Variants in DPH6 observed in about 807,000 individuals in gnomAD.
DPH6 encodes diphthine--ammonia ligase.
Under a neutral mutation model 38.2 loss-of-function variants are expected in DPH6, and 33 were observed. The observed-to-expected ratio is 0.86, with a 90% CI of 0.65 to 1.15. The LOEUF (loss-of-function observed/expected upper bound fraction) is 1.15, where lower values mean the gene tolerates loss of function less well. Ranked by LOEUF, DPH6 falls within the 50% of genes most tolerant of loss-of-function variation. The pLI is 0.00. For missense variants in DPH6, 325 were observed against 320.0 expected (o/e 1.02, Z -0.12); for synonymous variants, 108 against 103.0 (o/e 1.05, Z -0.30).
chr15:35,280,288 T>C (rs2051889352), intron 3 of DPH6, among the ~76,000 whole-genome samples: 1 of 152,232 alleles, frequency 6.6e-6, no homozygotes, highest in African/African-American at 2.4e-5. Flanking sequence ...ATCACAATAA[T>C]ACATTTCCTA....
chr15:35,383,580 A>C (rs1169315316), intron 6 of DPH6, among the ~76,000 whole-genome samples: 1 of 152,248 alleles, frequency 6.6e-6, no homozygotes, highest in Admixed American at 6.5e-5. Flanking sequence ...GCCTCTATAA[A>C]TGAATAGGCA....
intron 3 of DPH6, among the ~76,000 whole-genome samples, chr15:35,460,992 A>G (rs1488599158): frequency 8.0e-6 from 1 of 125,578 alleles, no homozygotes; most frequent in Non-Finnish European, 1.9e-5. Flanking sequence ...ATTTATTCAG[A>G]AAGAGCCAAT....
the DPH6 span, among the ~76,000 whole-genome samples, chr15:35,163,761 A>T: frequency 1.3e-5 from 2 of 151,872 alleles, no homozygotes; most frequent in Non-Finnish European, 2.9e-5. Flanking sequence ...ACATGCTAGG[A>T]CAAATGCTCA....
At chr15:35,203,380 A>G in the DPH6 span, among the ~76,000 whole-genome samples, 1 of 151,674 alleles carries the variant, frequency 6.6e-6, no homozygotes, top group African/African-American at 2.4e-5. Flanking sequence ...ATTTAAAAAA[A>G]AGAAATTTAT....
At chr15:35,491,173 A>G (rs1478895193) in intron 3 of DPH6, among the ~76,000 whole-genome samples, 1 of 151,990 alleles carries the variant, frequency 6.6e-6, no homozygotes, top group Non-Finnish European at 1.5e-5. Flanking sequence ...AAAGAGAAAT[A>G]CACACACACA....
the DPH6 span, among the ~76,000 whole-genome samples, chr15:35,203,414 C>G: frequency 1.3e-5 from 2 of 151,632 alleles, no homozygotes; most frequent in East Asian, 3.9e-4. Context: ...CAGGGTGCCA[C>G]TATTCCCCAT....
the DPH6 span, among the ~76,000 whole-genome samples, chr15:35,166,545 G>A: frequency 5.3e-5 from 8 of 151,850 alleles, no homozygotes; most frequent in Non-Finnish European, 1.0e-4. Flanking sequence ...ACAATACTAA[G>A]AGTTAAGAAT....
At chr15:35,177,080 T>G in the DPH6 span, among the ~76,000 whole-genome samples, 1 of 152,174 alleles carries the variant, frequency 6.6e-6, no homozygotes, top group African/African-American at 2.4e-5. Flanking sequence ...AATAAATAAC[T>G]GTCATTCAGC....
chr15:35,147,162 C>G, the DPH6 span, among the ~76,000 whole-genome samples: 1 of 152,040 alleles, frequency 6.6e-6, no homozygotes, highest in African/African-American at 2.4e-5. Flanking sequence ...CTCTAACAAT[C>G]CTATGAATAG....
intron 3 of DPH6, among the ~76,000 whole-genome samples, chr15:35,267,259 C>G (rs2051789308): frequency 6.6e-6 from 1 of 152,116 alleles, no homozygotes; most frequent in Non-Finnish European, 1.5e-5. Context: ...GGGTGAGATG[C>G]CTTGATCTGT....
intron 3 of DPH6, among the ~76,000 whole-genome samples, chr15:35,273,023 AG>A (rs1485885953): frequency 6.6e-6 from 1 of 151,974 alleles, no homozygotes; most frequent in East Asian, 1.9e-4. Context: ...AAGCTTCCTG[AG>A]GACTATCACA....
At chr15:35,172,979 TATA>T in the DPH6 span, among the ~76,000 whole-genome samples, 93 of 152,212 alleles carry the variant, frequency 6.1e-4, no homozygotes, top group Admixed American at 1.2e-3. Flanking sequence ...TAAAGACTTT[TATA>T]AAAAAAATAC....
At chr15:35,488,116 C>A (rs1029649366) in intron 3 of DPH6, among the ~76,000 whole-genome samples, 1 of 152,156 alleles carries the variant, frequency 6.6e-6, no homozygotes, top group African/African-American at 2.4e-5. Context: ...TCAGCCCAGA[C>A]TTCATTGTCC....
intron 3 of DPH6, among the ~76,000 whole-genome samples, chr15:35,334,801 C>T (rs1055561760): frequency 2.0e-5 from 3 of 152,144 alleles, no homozygotes; most frequent in Admixed American, 6.5e-5. Flanking sequence ...TTTATCCAGT[C>T]TTTCACTGAT....
At chr15:35,418,017 T>C (rs2053457121) in intron 5 of DPH6, among the ~76,000 whole-genome samples, 1 of 152,144 alleles carries the variant, frequency 6.6e-6, no homozygotes. Flanking sequence ...TTCAACTTTA[T>C]CTAAAAGCTT....
At position 35,536,092 on chromosome 15, in the gene DPH6, GTTCT is replaced by G. The variant is rs547910555; in HGVS notation, c.312+2178_312+2181del. On this transcript the variant is annotated intron_variant, in intron 3 of 8. Transcript: ENST00000256538. ...AATACTCAAAGGATTAAAAAATGCA[GTTCT>G]TTCTTTTTCTTAGAACAAGTAAAGA... Among the ~76,000 whole-genome samples the G allele has an allele frequency of 7.8e-4, 118 of 151,984 alleles. No individual in the cohort carries two copies. In the South Asian group the frequency reaches 8.3e-3, roughly 11 times the overall value.
chr15:35,353,479 G>T (rs992160147), intron 3 of DPH6, among the ~76,000 whole-genome samples: 194 of 152,262 alleles, frequency 1.3e-3, no homozygotes, highest in Non-Finnish European at 2.3e-3. Flanking sequence ...AAGGGATCCA[G>T]TTTCAGCTTT....
chr15:35,295,247 A>G (rs1295476737), intron 3 of DPH6, among the ~76,000 whole-genome samples: 2 of 151,860 alleles, frequency 1.3e-5, no homozygotes, highest in African/African-American at 4.8e-5. Flanking sequence ...CCCATCTCTG[A>G]CCTCCCAAAG....
intron 5 of DPH6, among the ~76,000 whole-genome samples, chr15:35,427,971 G>A (rs2053589813): frequency 6.6e-6 from 1 of 151,798 alleles, no homozygotes; most frequent in South Asian, 2.1e-4. Flanking sequence ...CTGCAGACAA[G>A]AGGCAGCCTA....
Sources: allele counts gnomAD v4.1 joint callset (sites outside exome capture counted in the v4.1 genomes callset), GRCh38; gene constraint gnomAD v4.1.1; transcripts MANE v1.5; gene names NCBI Gene and HGNC (gene_info 2026-07-23, HGNC 2026-07-21).